The following CNKSR3 variants were observed in gnomAD, a reference collection of about 807,000 sequenced individuals.
CNKSR3 encodes connector enhancer of kinase suppressor of ras 3.
In CNKSR3, 36 loss-of-function variants were observed where a neutral mutation model predicts 67.7. That is an observed-to-expected ratio of 0.53 (90% CI 0.41 to 0.70). The LOEUF (loss-of-function observed/expected upper bound fraction) is 0.70. Ranked by LOEUF, CNKSR3 falls within the 30% of genes least tolerant of loss-of-function variation. CNKSR3 has a pLI of 0.00. For missense variants in CNKSR3, 630 were observed against 695.2 expected (o/e 0.91, Z 1.05); for synonymous variants, 281 against 271.4 (o/e 1.04, Z -0.35).
intron 9 of CNKSR3, among the ~76,000 whole-genome samples, chr6:154,421,188 A>G (rs1236653943): frequency 6.6e-6 from 1 of 152,092 alleles, no homozygotes; most frequent in East Asian, 1.9e-4. Flanking sequence ...TACTTTTTGT[A>G]TTTTTAGTAG....
chr6:154,502,593 C>T (rs906584318), intron 1 of CNKSR3, among the ~76,000 whole-genome samples: 1 of 152,164 alleles, frequency 6.6e-6, no homozygotes, highest in African/African-American at 2.4e-5. Context: ...GCCTGTGAGG[C>T]CTGGTCCCAG....
At chr6:154,426,553 C>T (rs769016344) in intron 7 of CNKSR3, among the ~76,000 whole-genome samples, 2 of 152,014 alleles carry the variant, frequency 1.3e-5, no homozygotes, top group Non-Finnish European at 2.9e-5. Flanking sequence ...GACGGGGTTT[C>T]ACCATGTTAG....
intron 1 of CNKSR3, among the ~76,000 whole-genome samples, chr6:154,454,082 A>AACACACAC (rs368097129): frequency 1.5e-3 from 118 of 78,260 alleles, no homozygotes; most frequent in African/African-American, 6.3e-3. Flanking sequence ...GCAAGATGAA[A>AACACACAC]ACACACACAC....
Position 154,389,089 on chromosome 6 carries a change from G to T in CNKSR3, c.*17265C>A, listed in dbSNP as rs996742986. On this transcript the variant is annotated 3_prime_UTR_variant, in exon 13 of 13. Coordinates refer to ENST00000607772, the MANE Select transcript of CNKSR3 (RefSeq NM_173515.4). ...TGTTGCCTTTGCTGTGAGAAGCTTT[G>T]TGATTTGATGTAACTTTGCTTATTT... 6 of 152,034 alleles carry T rather than the reference G, an allele frequency of 3.9e-5. No individual in the cohort carries two copies. The highest frequency in any genetic ancestry group is 1.4e-4 in the African/African-American group (6 of 41,402). The allele number at this position is 152,034 out of a possible 1,614,324, so 9.4% of individuals were successfully genotyped here.
chr6:154,416,423 T>G (rs908961845), intron 9 of CNKSR3, among the ~76,000 whole-genome samples: 2 of 152,206 alleles, frequency 1.3e-5, no homozygotes. Context: ...TTGATTGACA[T>G]CTCAACATGT....
rs1784758042 is a variant in CNKSR3, at chr6:154,404,929, AT to A, written c.*1424del. 6.6e-6 allele frequency: 1 copy of A among 152,216 alleles called. No homozygotes were observed. 9.4% of individuals were successfully genotyped at this position (152,216 alleles called of 1,614,324 possible). ...TAGTTCCTTTAACCACACCAGAAGC[AT>A]TTTAAAGGGAAGATGTTTCCTAACT... On this transcript the variant is annotated 3_prime_UTR_variant, in exon 13 of 13. Coordinates refer to ENST00000607772, the MANE Select transcript of CNKSR3 (RefSeq NM_173515.4).
intron 6 of CNKSR3, among the ~76,000 whole-genome samples, chr6:154,429,090 C>A (rs1177410627): frequency 6.6e-6 from 1 of 152,212 alleles, no homozygotes; most frequent in South Asian, 2.1e-4. Flanking sequence ...CTGAGTGATA[C>A]ACCGAATGTA....
At chr6:154,407,356 G>A (rs1388522746) in intron 12 of CNKSR3, among the ~76,000 whole-genome samples, 1 of 152,212 alleles carries the variant, frequency 6.6e-6, no homozygotes, top group Non-Finnish European at 1.5e-5. Context: ...CCCCTGGGAT[G>A]TGGCTGGAAT....
At chr6:154,425,222 T>C (rs73790965) in intron 7 of CNKSR3, among the ~76,000 whole-genome samples, 2,307 of 152,324 alleles carry the variant, frequency 0.015, 47 homozygotes, top group African/African-American at 0.052. Context: ...GGGCAAAGGA[T>C]TCATTTAAGA....
chr6:154,422,567 C>G lies in CNKSR3; in HGVS notation c.884G>C (p.Gly295Ala). The G allele has an allele frequency of 6.2e-7, 1 of 1,613,962 alleles. No homozygotes were observed. The highest frequency in any genetic ancestry group is 8.5e-7 in the Non-Finnish European group (1 of 1,179,988). ...VVLLLKKRPT[G>A]SFNFTPAPLK... Reference sequence around the variant, plus strand: ...GGGAGCAGGAGTAAAGTTGAAAGACCCGGTGGGGCGCTTCTTAAGCAGTAA... The same window carrying G: ...GGGAGCAGGAGTAAAGTTGAAAGACGCGGTGGGGCGCTTCTTAAGCAGTAA... The change falls in exon 9 of 13, where the codon GGG becomes GCG. Residue 295 changes from glycine (G) to alanine (A), a missense_variant. Around this residue, in one of 3 missense-constraint regions of CNKSR3, gnomAD observed 133 missense variants for 190.6 expected, o/e 0.70. Coordinates refer to ENST00000607772, the MANE Select transcript of CNKSR3 (RefSeq NM_173515.4).
At chr6:154,448,434 CAAAAAAAAAA>C (rs56872694) in intron 2 of CNKSR3, among the ~76,000 whole-genome samples, 1 of 121,768 alleles carries the variant, frequency 8.2e-6, no homozygotes, top group Non-Finnish European at 1.7e-5. Context: ...CACGTTTGTA[CAAAAAAAAAA>C]AAAAAAGAAA....
chr6:154,481,064 T>G (rs1056965311), intron 1 of CNKSR3, among the ~76,000 whole-genome samples: 2 of 152,198 alleles, frequency 1.3e-5, no homozygotes, highest in Non-Finnish European at 2.9e-5. Flanking sequence ...TTTATTTTAT[T>G]TGATAGCAGT....
At position 154,406,558 on chromosome 6, in the gene CNKSR3, C is replaced by T. The variant is rs773662783; in HGVS notation, c.1464G>A (p.Thr488=). 6.2e-6 allele frequency: 10 copies of T among 1,614,052 alleles called. No individual in the cohort carries two copies. The highest frequency in any genetic ancestry group is 2.2e-5 in the South Asian group (2 of 91,080). Residue 488 remains threonine (T), a synonymous_variant, in exon 13 of 13, where the codon ACG becomes ACA. Coordinates refer to ENST00000607772, the MANE Select transcript of CNKSR3 (RefSeq NM_173515.4). ...CACCCCGGACCAGATGCCGCTCGGTCGTGGGTCTGGAGAACCGGTATGGGG... is the reference window on the plus strand; with the variant it reads ...CACCCCGGACCAGATGCCGCTCGGTTGTGGGTCTGGAGAACCGGTATGGGG... ...SSPPYRFSRP[T]TERHLVRGAD...
At chr6:154,508,711 T>C (rs1338297052) in intron 1 of CNKSR3, among the ~76,000 whole-genome samples, 1 of 152,182 alleles carries the variant, frequency 6.6e-6, no homozygotes, top group East Asian at 1.9e-4. Context: ...ACATGTGTTG[T>C]TTTTAGCTTC....
chr6:154,493,034 A>C (rs1786812227), intron 1 of CNKSR3, among the ~76,000 whole-genome samples: 2 of 152,124 alleles, frequency 1.3e-5, no homozygotes, highest in South Asian at 4.2e-4. Flanking sequence ...TTAAATGTAA[A>C]TCTGATAATA....
rs67203207 is a variant in CNKSR3, at chr6:154,394,614, T to TAAAAAAAA, written c.*11732_*11739dup. Reference sequence around the variant, plus strand: ...TATAGCATGAGCCTAATACAAGAAGTAAAAAAAAAAAAAAAAAAAAAGAAG... The same window carrying TAAAAAAAA: ...TATAGCATGAGCCTAATACAAGAAGTAAAAAAAAAAAAAAAAAAAAAAAAAAAAAGAAG... On this transcript the variant is annotated 3_prime_UTR_variant, in exon 13 of 13. Coordinates refer to ENST00000607772, the MANE Select transcript of CNKSR3 (RefSeq NM_173515.4). 3 of 67,766 alleles carry TAAAAAAAA rather than the reference T, an allele frequency of 4.4e-5. No individual in the cohort carries two copies. Among genetic ancestry groups the TAAAAAAAA allele is most frequent in the African/African-American group, 1.1e-4 (2 of 18,320 alleles). The allele number at this position is 67,766 out of a possible 1,614,324, so 4.2% of individuals were successfully genotyped here. A position where few individuals can be genotyped will look rare whatever the true frequency, so the allele number is the denominator to read the frequency against.
intron 5 of CNKSR3, among the ~76,000 whole-genome samples, chr6:154,432,709 T>C (rs1785393950): frequency 6.6e-6 from 1 of 152,208 alleles, no homozygotes; most frequent in South Asian, 2.1e-4. Context: ...TGCCAAACAC[T>C]GACAAGGTAA....
Position 154,394,169 on chromosome 6 carries a change from C to T in CNKSR3, c.*12185G>A, listed in dbSNP as rs1784635278. Reference sequence around the variant, plus strand: ...AAATAGCTGGGACCACAGGTGTACACCACCAAGCCTGGTTGTTATATTTTT... The same window carrying T: ...AAATAGCTGGGACCACAGGTGTACATCACCAAGCCTGGTTGTTATATTTTT... On this transcript the variant is annotated 3_prime_UTR_variant, in exon 13 of 13. Transcript: ENST00000607772. 1 of 152,196 alleles carries T rather than the reference C, an allele frequency of 6.6e-6. No homozygotes were observed. The highest frequency in any genetic ancestry group is 2.4e-5 in the African/African-American group (1 of 41,454). 9.4% of individuals were successfully genotyped at this position (152,196 alleles called of 1,614,324 possible).
At chr6:154,483,533 A>G (rs1239990322) in intron 1 of CNKSR3, among the ~76,000 whole-genome samples, 2 of 152,072 alleles carry the variant, frequency 1.3e-5, no homozygotes, top group Non-Finnish European at 2.9e-5. Flanking sequence ...CTCGAAAACC[A>G]TCCTCAAGCA....
Sources: allele counts gnomAD v4.1 joint callset (sites outside exome capture counted in the v4.1 genomes callset), GRCh38; gene constraint gnomAD v4.1.1; regional missense constraint gnomAD v4.1.1; transcripts MANE v1.5; gene names NCBI Gene and HGNC (gene_info 2026-07-23, HGNC 2026-07-21).